The following TNIK variants were observed in gnomAD, a reference collection of about 807,000 sequenced individuals.
TNIK encodes the protein TRAF2 and NCK-interacting protein kinase.
TNIK carries 49 observed loss-of-function variants against 191.3 expected under a neutral mutation model. The observed-to-expected ratio is 0.26, with a 90% CI of 0.20 to 0.32. The LOEUF (loss-of-function observed/expected upper bound fraction) is 0.32. Ranked by LOEUF, TNIK falls within the 10% of genes least tolerant of loss-of-function variation. TNIK has a pLI of 1.00. For synonymous variants in TNIK, 594 were observed against 600.9 expected, an observed-to-expected ratio of 0.99 and a Z score of 0.17; for missense variants, 1,155 against 1,702.3, an observed-to-expected ratio of 0.68 and a Z score of 5.66.
chr3:171,438,276 C>T (rs1726275201), intron 1 of TNIK, among the ~76,000 whole-genome samples: 1 of 147,604 alleles, frequency 6.8e-6, no homozygotes, highest in African/African-American at 2.4e-5. Context: ...AGCATTAAGA[C>T]CCACAGCTGC....
At chr3:171,268,850 G>A (rs766809653) in intron 2 of TNIK, among the ~76,000 whole-genome samples, 19 of 152,154 alleles carry the variant, frequency 1.2e-4, no homozygotes, top group Non-Finnish European at 2.2e-4. Context: ...ACAGTTGGCA[G>A]CTCTGGGAAG....
chr3:171,318,529 A>C (rs1311525589), intron 2 of TNIK, among the ~76,000 whole-genome samples: 1 of 152,146 alleles, frequency 6.6e-6, no homozygotes, highest in Non-Finnish European at 1.5e-5. Context: ...AATATTGTAA[A>C]CCTGTTTAAA....
chr3:171,141,503 G>A (rs1439531404), intron 12 of TNIK, among the ~76,000 whole-genome samples: 1 of 152,198 alleles, frequency 6.6e-6, no homozygotes, highest in African/African-American at 2.4e-5. Flanking sequence ...AGGCCAAGCA[G>A]TTACAGGAGC....
intron 2 of TNIK, among the ~76,000 whole-genome samples, chr3:171,264,103 CACACACACATATAT>C (rs765796546): frequency 0.03 from 2,267 of 76,176 alleles, 19 homozygotes; most frequent in Middle Eastern, 0.05. Flanking sequence ...CACACACACA[CACACACACATATAT>C]ATATATATAT....
intron 2 of TNIK, among the ~76,000 whole-genome samples, chr3:171,296,077 A>G (rs1051176949): frequency 2.6e-5 from 4 of 152,132 alleles, no homozygotes; most frequent in African/African-American, 9.7e-5. Context: ...TATGTGTCAA[A>G]CCTTTAGTTA....
At chr3:171,214,932 T>G (rs1317260228) in intron 3 of TNIK, among the ~76,000 whole-genome samples, 1 of 152,182 alleles carries the variant, frequency 6.6e-6, no homozygotes, top group Non-Finnish European at 1.5e-5. Flanking sequence ...ATCTACTTAT[T>G]GCTTAGTGTT....
Position 171,244,834 on chromosome 3 carries a change from T to G in TNIK, c.124-16613A>C, listed in dbSNP as rs1472806690. ...TCTTTAAATATTATATATTTATTAT[T>G]AAAATTATTTAAATTTAATAATTTT... On this transcript the variant is annotated intron_variant, in intron 2 of 32. Transcript: ENST00000436636. Among the ~76,000 whole-genome samples, 3 of 150,006 alleles carry G rather than the reference T, an allele frequency of 2.0e-5. No individual in the cohort carries two copies. In the East Asian group the frequency reaches 5.8e-4, roughly 29 times the overall value.
At chr3:171,283,827 G>A (rs891885640) in intron 2 of TNIK, among the ~76,000 whole-genome samples, 1 of 152,172 alleles carries the variant, frequency 6.6e-6, no homozygotes, top group Admixed American at 6.5e-5. Context: ...GGGAATACAA[G>A]CAGAACAATC....
chr3:171,207,779 G>A (rs1253228034), intron 4 of TNIK, among the ~76,000 whole-genome samples: 1 of 152,186 alleles, frequency 6.6e-6, no homozygotes, highest in Non-Finnish European at 1.5e-5. Flanking sequence ...ATCATATCCT[G>A]TTGAATCTGC....
intron 2 of TNIK, among the ~76,000 whole-genome samples, chr3:171,354,455 T>C (rs944135201): frequency 6.6e-6 from 1 of 152,104 alleles, no homozygotes; most frequent in Non-Finnish European, 1.5e-5. Flanking sequence ...GGGCAGCTTG[T>C]AGCAGGACTC....
At chr3:171,200,671 A>G (rs557298241) in intron 4 of TNIK, among the ~76,000 whole-genome samples, 5 of 152,192 alleles carry the variant, frequency 3.3e-5, no homozygotes, top group Non-Finnish European at 7.3e-5. Flanking sequence ...TCTTCACAAG[A>G]GACAGGGGGC....
At position 171,233,008 on chromosome 3, in the gene TNIK, T is replaced by C. The variant is rs565173285; in HGVS notation, c.124-4787A>G. Among the ~76,000 whole-genome samples the C allele has an allele frequency of 3.9e-5, 6 of 152,344 alleles. No individual in the cohort carries two copies. In the South Asian group the frequency reaches 1.2e-3, roughly 32 times the overall value. On this transcript the variant is annotated intron_variant, in intron 2 of 32. Transcript: ENST00000436636. ...TTGAGCTGCTAGCCTAAGGCTAGCC[T>C]GGAAGACAGAATACTTTCATTTCTA...
intron 1 of TNIK, among the ~76,000 whole-genome samples, chr3:171,433,898 CTTA>C (rs537355876): frequency 1.4e-5 from 2 of 141,568 alleles, no homozygotes; most frequent in African/African-American, 2.6e-5. Flanking sequence ...ATATTTTACA[CTTA>C]TTATTATTAA....
At chr3:171,448,509 A>T (rs1271918951) in intron 1 of TNIK, among the ~76,000 whole-genome samples, 1 of 149,742 alleles carries the variant, frequency 6.7e-6, no homozygotes, top group Non-Finnish European at 1.5e-5. Flanking sequence ...TTATTCATTC[A>T]TTGGTTGATG....
intron 18 of TNIK, among the ~76,000 whole-genome samples, chr3:171,118,719 GA>G (rs1259237911): frequency 3.9e-5 from 6 of 152,230 alleles, no homozygotes; most frequent in African/African-American, 1.4e-4. Context: ...ATGGTGCTGG[GA>G]AAACTGGCTA....
intron 5 of TNIK, 62 bp from the exon 6 acceptor site, chr3:171,190,849 T>C (rs1200044189): frequency 7.6e-7 from 1 of 1,316,122 alleles, no homozygotes; most frequent in African/African-American, 1.5e-5. Context: ...CAATAAATTA[T>C]TTTGACTGTT....
intron 1 of TNIK, among the ~76,000 whole-genome samples, chr3:171,393,407 A>G (rs1719824181): frequency 6.6e-6 from 1 of 152,148 alleles, no homozygotes; most frequent in Non-Finnish European, 1.5e-5. Flanking sequence ...ACAAACAGCA[A>G]TTTCCCTTTA....
chr3:171,450,612 C>A (rs1355225450), intron 1 of TNIK, among the ~76,000 whole-genome samples: 1 of 152,178 alleles, frequency 6.6e-6, no homozygotes, highest in Non-Finnish European at 1.5e-5. Flanking sequence ...GATATATAGA[C>A]AAAGATATGC....
chr3:171,351,052 G>A (rs527684010), intron 2 of TNIK, among the ~76,000 whole-genome samples: 2 of 152,096 alleles, frequency 1.3e-5, no homozygotes, highest in African/African-American at 4.8e-5. Flanking sequence ...CTCTACACCT[G>A]GCTAATTTTT....
Sources: allele counts gnomAD v4.1 joint callset (sites outside exome capture counted in the v4.1 genomes callset), GRCh38; gene constraint gnomAD v4.1.1; transcripts MANE v1.5; gene names NCBI Gene and HGNC (gene_info 2026-07-23, HGNC 2026-07-21).